Variants in KIAA0930 observed in about 807,000 individuals in gnomAD.
KIAA0930 encodes the protein KIAA0930.
In KIAA0930, 24 loss-of-function variants were observed where a neutral mutation model predicts 43.9. The ratio of observed to expected loss-of-function variants is 0.55; its 90% CI spans 0.40 to 0.77. The LOEUF (loss-of-function observed/expected upper bound fraction) is 0.77. KIAA0930 is among the 30% of genes least tolerant of loss of function. The pLI is 0.00. For missense variants in KIAA0930, 461 were observed against 574.2 expected (o/e 0.80, Z 2.02); for synonymous variants, 259 against 216.4 (o/e 1.20, Z -1.73).
In KIAA0930 at chr22:45,219,757, A is replaced by G. The variant is rs58538411; in HGVS notation, c.65-7650T>C. On this transcript the variant is annotated intron_variant, in intron 1 of 9. Transcript: ENST00000336156. ...CAGACATGCACCACCAGACCCAGCT[A>G]ATTTTTGTATTTTTGGTAGAGACAG... is the stretch of plus-strand genomic sequence containing the variant. Among the ~76,000 whole-genome samples the G allele has an allele frequency of 0.016, 2,467 of 151,914 alleles. 105 individuals are homozygous for G. In the East Asian group the frequency reaches 0.19, roughly 12 times the overall value.
chr22:45,209,282 G>A (rs148740588), intron 2 of KIAA0930, among the ~76,000 whole-genome samples: 382 of 151,740 alleles, frequency 2.5e-3, no homozygotes, highest in African/African-American at 8.5e-3. Context: ...GCGACTCCGC[G>A]GGTCCCCCAC....
intron 7 of KIAA0930, chr22:45,201,019 C>T: frequency 1.9e-6 from 1 of 532,834 alleles, no homozygotes; most frequent in South Asian, 1.4e-5. Context: ...TCCCTCCTCC[C>T]CATGCCAACA....
chr22:45,214,290 A>G (rs992353514), intron 1 of KIAA0930, among the ~76,000 whole-genome samples: 1 of 152,234 alleles, frequency 6.6e-6, no homozygotes, highest in African/African-American at 2.4e-5. Flanking sequence ...TGCCCAAGAG[A>G]AATGAAGCAC....
At chr22:45,201,846 C>T (rs765856934) in intron 7 of KIAA0930, among the ~76,000 whole-genome samples, 9 of 152,188 alleles carry the variant, frequency 5.9e-5, no homozygotes, top group South Asian at 2.1e-4. Flanking sequence ...GTATAACAAA[C>T]GCACACTCCC....
intron 1 of KIAA0930, among the ~76,000 whole-genome samples, chr22:45,240,015 C>A (rs1224387574): frequency 6.6e-6 from 1 of 152,166 alleles, no homozygotes; most frequent in Admixed American, 6.5e-5. Context: ...CCCAGCAGAT[C>A]CATGACTTAA....
At position 45,197,201 on chromosome 22, in the gene KIAA0930, C is replaced by T. The variant is rs778464855; in HGVS notation, c.1190G>A (p.Arg397Gln). Residue 397 changes from arginine (R) to glutamine (Q), a missense_variant, in exon 10 of 10, where the codon CGG becomes CAG. Arg to Gln is a conservative substitution (Grantham distance 43). Transcript: ENST00000336156. Reference sequence around the variant, plus strand: ...CTAGGTCATCAGGATGGGCTTCTGCCGAACTTCCAGGATGTCTAGGGCCGG... The same window carrying T: ...CTAGGTCATCAGGATGGGCTTCTGCTGAACTTCCAGGATGTCTAGGGCCGG... Reference protein sequence around the residue: ...HRILTDILEVRQKPILMT With the variant: ...HRILTDILEVQQKPILMT The T allele has an allele frequency of 1.4e-5, 21 of 1,550,212 alleles. No individual in the cohort carries two copies. The highest frequency in any genetic ancestry group is 5.5e-5 in the African/African-American group (4 of 72,952).
At chr22:45,226,370 C>CGCT (rs994444175) in intron 1 of KIAA0930, 2 of 470,364 alleles carry the variant, frequency 4.3e-6, no homozygotes, top group African/African-American at 4.0e-5. Flanking sequence ...CTGCCCCAGG[C>CGCT]GCTGCATGAG....
chr22:45,206,353 G>A (rs886613906), intron 2 of KIAA0930, among the ~76,000 whole-genome samples: 5 of 152,090 alleles, frequency 3.3e-5, no homozygotes, highest in African/African-American at 1.2e-4. Context: ...CTCTAGCGAC[G>A]GGAGATGGGA....
At chr22:45,227,780 G>A (rs752907664) in intron 1 of KIAA0930, among the ~76,000 whole-genome samples, 1 of 152,194 alleles carries the variant, frequency 6.6e-6, no homozygotes, top group East Asian at 1.9e-4. Context: ...TCTTCTTGTC[G>A]CAGCCTCTGA....
At chr22:45,239,137 AGGACAATAGGTGTGTGTGGACAGG>A (rs945296566) in intron 1 of KIAA0930, among the ~76,000 whole-genome samples, 1 of 152,214 alleles carries the variant, frequency 6.6e-6, no homozygotes, top group African/African-American at 2.4e-5. Flanking sequence ...AGGTGGTCAG[AGGACAATAGGTGTGTGTGGACAGG>A]GGAGTGGGGA....
At chr22:45,201,566 G>T (rs1398185039) in intron 7 of KIAA0930, among the ~76,000 whole-genome samples, 2 of 152,168 alleles carry the variant, frequency 1.3e-5, no homozygotes, top group Non-Finnish European at 2.9e-5. Flanking sequence ...CAGAGTCCCA[G>T]GGCATAATTT....
chr22:45,228,081 G>T (rs1010401312), intron 1 of KIAA0930, among the ~76,000 whole-genome samples: 1 of 152,194 alleles, frequency 6.6e-6, no homozygotes, highest in Non-Finnish European at 1.5e-5. Flanking sequence ...TTTGGGGCAG[G>T]AAATCTAGGA....
chr22:45,209,149 C>T (rs937465896), intron 2 of KIAA0930, among the ~76,000 whole-genome samples: 14 of 152,346 alleles, frequency 9.2e-5, no homozygotes, highest in Middle Eastern at 3.4e-3. Flanking sequence ...TCCTGCCCAT[C>T]CACGCTCCCC....
chr22:45,199,764 G>C, intron 8 of KIAA0930, 109 bp downstream of exon 8: 1 of 1,182,516 alleles, frequency 8.5e-7, no homozygotes. Flanking sequence ...CACTCTCTAA[G>C]TGCTGCTGAA....
chr22:45,201,810 T>C (rs1225150906), intron 7 of KIAA0930, among the ~76,000 whole-genome samples: 1 of 152,212 alleles, frequency 6.6e-6, no homozygotes, highest in Non-Finnish European at 1.5e-5. Flanking sequence ...GAGATATGCA[T>C]GATTCAGATC....
At chr22:45,204,982 G>T (rs2083622879) in intron 5 of KIAA0930, among the ~76,000 whole-genome samples, 2 of 152,280 alleles carry the variant, frequency 1.3e-5, no homozygotes, top group Non-Finnish European at 2.9e-5. Flanking sequence ...CAGTAAGTAG[G>T]ACAGATGATC....
At chr22:45,224,235 G>T (rs1383207318) in intron 1 of KIAA0930, among the ~76,000 whole-genome samples, 1 of 152,226 alleles carries the variant, frequency 6.6e-6, no homozygotes, top group Admixed American at 6.5e-5. Flanking sequence ...TAGGAGGAAA[G>T]ACTGAAGGAA....
intron 2 of KIAA0930, chr22:45,211,310 A>C (rs1448017996): frequency 2.5e-6 from 1 of 398,450 alleles, no homozygotes; most frequent in African/African-American, 2.1e-5. Context: ...GAACAGCAAA[A>C]GCTTGTGAAA....
At position 45,211,618 on chromosome 22, in the gene KIAA0930, A is replaced by G. The variant is rs568763750; in HGVS notation, c.216+338T>C. ...GCCAAGGGAGGGCCCTGGGCTCTGG[A>G]GTCCGACCTTTGCTCTACCATCTAC... is the stretch of plus-strand genomic sequence containing the variant. On this transcript the variant is annotated intron_variant, in intron 2 of 9. Transcript: ENST00000336156. Among the ~76,000 whole-genome samples, 4 of 152,286 alleles carry G rather than the reference A, an allele frequency of 2.6e-5. No individual in the cohort carries two copies. The South Asian group carries it at 8.3e-4, about 32-fold the overall frequency.
Sources: allele counts gnomAD v4.1 joint callset (sites outside exome capture counted in the v4.1 genomes callset), GRCh38; gene constraint gnomAD v4.1.1; transcripts MANE v1.5; gene names NCBI Gene and HGNC (gene_info 2026-07-23, HGNC 2026-07-21).